MMS22L: variants seen among roughly 807,000 people sequenced by gnomAD.
The protein encoded by MMS22L is protein MMS22-like.
Under a neutral mutation model 159.1 loss-of-function variants are expected in MMS22L, and 74 were observed. That is an observed-to-expected ratio of 0.47 (90% CI 0.39 to 0.56). The LOEUF (loss-of-function observed/expected upper bound fraction) is 0.56, where lower values mean the gene tolerates loss of function less well. Ranked by LOEUF, MMS22L falls within the 20% of genes least tolerant of loss-of-function variation. The pLI, the probability that MMS22L is intolerant of heterozygous loss-of-function variation, is 0.00. For synonymous variants in MMS22L, 517 were observed against 506.9 expected (o/e 1.02, Z -0.27); for missense variants, 1,351 against 1,422.1 (o/e 0.95, Z 0.80).
intron 14 of MMS22L, among the ~76,000 whole-genome samples, chr6:97,213,064 T>C (rs1477003500): frequency 6.6e-6 from 1 of 152,174 alleles, no homozygotes; most frequent in Admixed American, 6.5e-5. Context: ...TGCGTGTGTG[T>C]GTGTCTGTAG....
chr6:97,276,048 C>A (rs1816213528), intron 4 of MMS22L, among the ~76,000 whole-genome samples: 1 of 152,020 alleles, frequency 6.6e-6, no homozygotes, highest in South Asian at 2.1e-4. Flanking sequence ...AAACAGCTGT[C>A]AGCAAAACAT....
At chr6:97,175,757 GT>G (rs1187713809) in intron 18 of MMS22L, among the ~76,000 whole-genome samples, 5 of 152,092 alleles carry the variant, frequency 3.3e-5, no homozygotes, top group African/African-American at 7.2e-5. Flanking sequence ...ACAAATACAA[GT>G]TTCTCAAAAT....
intron 7 of MMS22L, among the ~76,000 whole-genome samples, chr6:97,269,420 T>A (rs979904717): frequency 1.3e-5 from 2 of 152,122 alleles, no homozygotes; most frequent in Non-Finnish European, 2.9e-5. Context: ...TGTACGCAGA[T>A]TAAAGATATA....
chr6:97,217,830 AT>A (rs1192942259), intron 14 of MMS22L, among the ~76,000 whole-genome samples: 2 of 152,150 alleles, frequency 1.3e-5, no homozygotes, highest in Admixed American at 1.3e-4. Flanking sequence ...AGGCCCTTTC[AT>A]TACAGAATCT....
At chr6:97,201,584 T>C (rs942777619) in intron 14 of MMS22L, among the ~76,000 whole-genome samples, 1 of 152,226 alleles carries the variant, frequency 6.6e-6, no homozygotes, top group Non-Finnish European at 1.5e-5. Flanking sequence ...GTTCCACCAC[T>C]GGGCATCAAT....
chr6:97,248,191 T>C (rs1458334693), intron 10 of MMS22L, among the ~76,000 whole-genome samples: 1 of 152,234 alleles, frequency 6.6e-6, no homozygotes, highest in Non-Finnish European at 1.5e-5. Flanking sequence ...TGGAAACAGC[T>C]ATATTGTGAA....
intron 9 of MMS22L, among the ~76,000 whole-genome samples, chr6:97,256,067 G>C (rs961137048): frequency 6.6e-6 from 1 of 152,092 alleles, no homozygotes; most frequent in South Asian, 2.1e-4. Flanking sequence ...AATATATTTA[G>C]TTTTAAATCT....
At chr6:97,262,238 A>AT (rs767657226) in intron 9 of MMS22L, among the ~76,000 whole-genome samples, 2 of 152,182 alleles carry the variant, frequency 1.3e-5, no homozygotes, top group Non-Finnish European at 2.9e-5. Context: ...ATGAAAATAA[A>AT]TTTTTTTACT....
intron 14 of MMS22L, among the ~76,000 whole-genome samples, chr6:97,213,125 A>G (rs1265493418): frequency 6.6e-6 from 1 of 152,128 alleles, no homozygotes; most frequent in Non-Finnish European, 1.5e-5. Flanking sequence ...ATGAGGTTGC[A>G]GCCAGGCATG....
chr6:97,158,876 CTATCTCATTGATCTAA>C (rs1448438988), intron 22 of MMS22L, among the ~76,000 whole-genome samples: 1 of 152,134 alleles, frequency 6.6e-6, no homozygotes, highest in African/African-American at 2.4e-5. Flanking sequence ...TGCTAATTTT[CTATCTCATTGATCTAA>C]TATTGACAGT....
chr6:97,177,127 T>C (rs1487654137), intron 18 of MMS22L, among the ~76,000 whole-genome samples: 2 of 152,144 alleles, frequency 1.3e-5, no homozygotes, highest in Non-Finnish European at 2.9e-5. Context: ...TCATTAGCTT[T>C]TGGCCAACAG....
chr6:97,249,467 T>A (rs1813009442), intron 10 of MMS22L, among the ~76,000 whole-genome samples: 1 of 152,320 alleles, frequency 6.6e-6, no homozygotes, highest in Admixed American at 6.5e-5. Context: ...AAAGACAGTT[T>A]TAGGGACTGT....
intron 19 of MMS22L, among the ~76,000 whole-genome samples, chr6:97,168,858 C>T (rs1803243715): frequency 6.6e-6 from 1 of 151,974 alleles, no homozygotes. Context: ...ATTAACAATC[C>T]ACCTTTTAAA....
chr6:97,264,205 G>C (rs1181442591), intron 8 of MMS22L: 4 of 152,082 alleles, frequency 2.6e-5, no homozygotes, highest in Admixed American at 2.0e-4. Context: ...CTCAGGGCTA[G>C]TTTGCTTATT....
intron 24 of MMS22L, among the ~76,000 whole-genome samples, chr6:97,148,370 A>T (rs1261422150): frequency 6.6e-6 from 1 of 152,148 alleles, no homozygotes; most frequent in Non-Finnish European, 1.5e-5. Context: ...TGTAAAACAG[A>T]CTCAGGCAGG....
At chr6:97,155,826 T>C (rs986131823) in intron 22 of MMS22L, among the ~76,000 whole-genome samples, 1 of 152,212 alleles carries the variant, frequency 6.6e-6, no homozygotes, top group African/African-American at 2.4e-5. Flanking sequence ...TAGAATGATT[T>C]ATAATCCTTT....
intron 14 of MMS22L, among the ~76,000 whole-genome samples, chr6:97,188,467 G>A (rs1805483700): frequency 6.6e-6 from 1 of 152,104 alleles, no homozygotes; most frequent in Non-Finnish European, 1.5e-5. Context: ...CTATGAGATA[G>A]GTATCATTAA....
At chr6:97,265,260 G>A (rs565716511) in intron 8 of MMS22L, 3 of 152,206 alleles carry the variant, frequency 2.0e-5, no homozygotes, top group Non-Finnish European at 2.9e-5. Flanking sequence ...ACGGGGAAAG[G>A]ACAGCTTCTT....
At chr6:97,232,722 A>G (rs1810997968) in intron 12 of MMS22L, among the ~76,000 whole-genome samples, 2 of 152,084 alleles carry the variant, frequency 1.3e-5, no homozygotes, top group East Asian at 3.9e-4. Context: ...TTCTCCAACT[A>G]GCCTAAAATT....
Sources: allele counts gnomAD v4.1 joint callset (sites outside exome capture counted in the v4.1 genomes callset), GRCh38; gene constraint gnomAD v4.1.1; transcripts MANE v1.5; gene names NCBI Gene and HGNC (gene_info 2026-07-23, HGNC 2026-07-21).